Variants in PARD3B observed in about 807,000 individuals in gnomAD.
PARD3B encodes the protein par-3 family cell polarity regulator beta.
A neutral mutation model predicts 130.2 loss-of-function variants in PARD3B; 103 were observed. That is an observed-to-expected ratio of 0.79 (90% CI 0.67 to 0.93). The LOEUF (loss-of-function observed/expected upper bound fraction) is 0.93, where lower values mean the gene tolerates loss of function less well. Among genes scored for constraint, PARD3B ranks in the 40% least tolerant of loss-of-function variants. The pLI is 0.00. For missense variants in PARD3B, 1,609 were observed against 1,499.2 expected, an observed-to-expected ratio of 1.07 and a Z score of -1.21; for synonymous variants, 583 against 553.2, an observed-to-expected ratio of 1.05 and a Z score of -0.76.
intron 10 of PARD3B, among the ~76,000 whole-genome samples, chr2:205,129,750 C>T (rs1338171326): frequency 2.0e-5 from 3 of 152,182 alleles, no homozygotes; most frequent in African/African-American, 7.2e-5. Flanking sequence ...TTATCGTTAG[C>T]TTCTTGTAAA....
chr2:204,806,653 T>A (rs1383967060), intron 2 of PARD3B, among the ~76,000 whole-genome samples: 1 of 151,934 alleles, frequency 6.6e-6, no homozygotes, highest in Admixed American at 6.6e-5. Flanking sequence ...ATGGATTACA[T>A]CAAGTTTAAA....
chr2:204,720,629 A>C (rs998487312), intron 2 of PARD3B, among the ~76,000 whole-genome samples: 7 of 152,074 alleles, frequency 4.6e-5, no homozygotes, highest in African/African-American at 1.7e-4. Context: ...AAAAGGGAAA[A>C]GTTAAACTTG....
At chr2:205,133,170 C>T (rs75562927) in intron 10 of PARD3B, among the ~76,000 whole-genome samples, 232 of 152,204 alleles carry the variant, frequency 1.5e-3, no homozygotes, top group African/African-American at 5.4e-3. Context: ...ATGACAGCTT[C>T]AGTGGTTTAA....
intron 11 of PARD3B, among the ~76,000 whole-genome samples, chr2:205,170,640 T>A (rs1487743295): frequency 3.9e-5 from 6 of 152,112 alleles, no homozygotes; most frequent in Non-Finnish European, 5.9e-5. Context: ...CCCTCCCTTT[T>A]CTCCACTATC....
At chr2:204,871,060 G>A (rs2045612146) in intron 2 of PARD3B, among the ~76,000 whole-genome samples, 1 of 151,806 alleles carries the variant, frequency 6.6e-6, no homozygotes, top group South Asian at 2.1e-4. Context: ...ATCATATATT[G>A]GGACATTAAA....
chr2:205,026,428 A>G (rs1429371185), intron 3 of PARD3B, among the ~76,000 whole-genome samples: 1 of 152,210 alleles, frequency 6.6e-6, no homozygotes, highest in African/African-American at 2.4e-5. Flanking sequence ...TAAATTATAC[A>G]TGTACAGGGT....
chr2:204,837,372 A>ATC (rs2044081408), intron 2 of PARD3B, among the ~76,000 whole-genome samples: 1 of 151,928 alleles, frequency 6.6e-6, no homozygotes, highest in South Asian at 2.1e-4. Context: ...GACATAAAGG[A>ATC]TCCAAGATTT....
chr2:205,106,536 T>G (rs1422902927), intron 5 of PARD3B, among the ~76,000 whole-genome samples: 3 of 146,394 alleles, frequency 2.0e-5, no homozygotes, highest in Admixed American at 1.4e-4. Context: ...TGTGTATATT[T>G]GATTATCAAA....
rs542348642 is a variant in PARD3B, at chr2:204,955,081, C to A, written c.223-10071C>A. ...GTTTGTTATATTCATGACTTAAAAT[C>A]ACATTTGATTGCTTACTCATTAATC... is the stretch of plus-strand genomic sequence containing the variant. On this transcript the variant is annotated intron_variant, in intron 2 of 22. Coordinates refer to ENST00000406610, the MANE Select transcript of PARD3B (RefSeq NM_001302769.2). Among the ~76,000 whole-genome samples the A allele has an allele frequency of 4.2e-4, 64 of 152,264 alleles. 1 individual carries two copies. The highest frequency in any genetic ancestry group is 1.5e-3 in the African/African-American group (61 of 41,562).
At chr2:205,227,260 A>G (rs1466753808) in intron 15 of PARD3B, among the ~76,000 whole-genome samples, 1 of 152,190 alleles carries the variant, frequency 6.6e-6, no homozygotes, top group Non-Finnish European at 1.5e-5. Flanking sequence ...TGATCTGTCC[A>G]ATGCTGAAAG....
chr2:205,209,560 T>TAA (rs1489796766), intron 15 of PARD3B, among the ~76,000 whole-genome samples: 3 of 150,764 alleles, frequency 2.0e-5, no homozygotes, highest in African/African-American at 7.3e-5. Flanking sequence ...ATGTTATATA[T>TAA]AATGTGCAAT....
chr2:204,855,121 C>G (rs941190142), intron 2 of PARD3B, among the ~76,000 whole-genome samples: 3 of 152,114 alleles, frequency 2.0e-5, no homozygotes, highest in African/African-American at 7.2e-5. Flanking sequence ...GAGAACCTGT[C>G]TCAAAAAATG....
At chr2:204,555,271 A>G (rs1440017197) in intron 1 of PARD3B, among the ~76,000 whole-genome samples, 1 of 152,208 alleles carries the variant, frequency 6.6e-6, no homozygotes, top group East Asian at 1.9e-4. Context: ...AATTATATCC[A>G]TGAAGGGCCT....
chr2:205,280,724 T>A lies in PARD3B; in HGVS notation c.2186-19806T>A, dbSNP rs2041155318. On this transcript the variant is annotated intron_variant, in intron 16 of 22. Transcript: ENST00000406610. This position sits in a 1 kb window ranked among gnomAD's most constrained non-coding sequence, Gnocchi z 4.7. ...CCCAGAGCCTTGACATGTCCTATAA[T>A]TGCCACTTGGCTAACAAACATTTGA... Among the ~76,000 whole-genome samples, 1 of 152,234 alleles carries A rather than the reference T, an allele frequency of 6.6e-6. No homozygotes were observed. The highest frequency in any genetic ancestry group is 2.4e-5 in the African/African-American group (1 of 41,470).
At chr2:205,547,703 C>T (rs1190328271) in intron 21 of PARD3B, among the ~76,000 whole-genome samples, 1 of 152,182 alleles carries the variant, frequency 6.6e-6, no homozygotes, top group Non-Finnish European at 1.5e-5. Flanking sequence ...TTACATTTCA[C>T]TCCCCAAACT....
chr2:205,397,305 C>A lies in PARD3B; in HGVS notation c.2631-3708C>A, dbSNP rs115555389. ...TGCCCTTCTTATTGGAAACTTGAAT[C>A]GAGGATCATGAACTTTAAATCAAAG... On this transcript the variant is annotated intron_variant, in intron 18 of 22. Coordinates refer to ENST00000406610, the MANE Select transcript of PARD3B (RefSeq NM_001302769.2). This position sits in a 1 kb window ranked among gnomAD's most constrained non-coding sequence, Gnocchi z 4.8. 6.6e-6 allele frequency among the ~76,000 whole-genome samples: 1 copy of A among 152,130 alleles called. No individual in the cohort carries two copies. Among genetic ancestry groups the A allele is most frequent in the South Asian group, 2.1e-4 (1 of 4,834 alleles).
intron 2 of PARD3B, among the ~76,000 whole-genome samples, chr2:204,701,719 C>T (rs2037901157): frequency 6.6e-6 from 1 of 152,100 alleles, no homozygotes; most frequent in South Asian, 2.1e-4. Flanking sequence ...ACTGAGGAAG[C>T]AATTTTATTT....
chr2:205,597,186 C>CCCCAGAGCCTTG (rs2054603364), intron 22 of PARD3B, among the ~76,000 whole-genome samples: 1 of 152,122 alleles, frequency 6.6e-6, no homozygotes, highest in Non-Finnish European at 1.5e-5. Flanking sequence ...CCCTCACTCT[C>CCCCAGAGCCTTG]TACTCTTGTA....
intron 18 of PARD3B, among the ~76,000 whole-genome samples, chr2:205,367,456 C>T (rs942481596): frequency 2.0e-5 from 3 of 152,038 alleles, no homozygotes; most frequent in Non-Finnish European, 2.9e-5. Context: ...TCTTAAACTC[C>T]GGAATGGTTA....
Sources: gnomAD v4.1 joint callset for allele counts (sites outside exome capture counted in the v4.1 genomes callset) on GRCh38, gnomAD v4.1.1 for gene constraint, Gnocchi (gnomAD v3.1) non-coding constraint, MANE v1.5 for transcripts, NCBI Gene and HGNC (gene_info 2026-07-23, HGNC 2026-07-21) for gene names.